The following EYA1 variants were observed in gnomAD, a reference collection of about 807,000 sequenced individuals.
EYA1 encodes the protein protein phosphatase EYA1.
Under a neutral mutation model 82.0 loss-of-function variants are expected in EYA1, and 16 were observed. That is an observed-to-expected ratio of 0.20 (90% CI 0.13 to 0.30). EYA1 has a LOEUF of 0.30. Ranked by LOEUF, EYA1 falls within the 10% of genes least tolerant of loss-of-function variation. The pLI is 1.00. For synonymous variants in EYA1, 261 were observed against 264.4 expected (o/e 0.99, Z 0.12); for missense variants, 633 against 730.7 (o/e 0.87, Z 1.54).
chr8:71,244,491 C>T (rs1209819399), intron 12 of EYA1, 112 bp downstream of exon 12: 1 of 666,358 alleles, frequency 1.5e-6, no homozygotes, highest in South Asian at 1.7e-5. Context: ...TACCAACAAA[C>T]CTCTGTCTCA....
At chr8:71,470,799 A>G in intron 2 of EYA1, 1 of 446,910 alleles carries the variant, frequency 2.2e-6, no homozygotes, top group East Asian at 7.0e-5. Flanking sequence ...AGATGTATGT[A>G]GCATTAAAAA....
intron 2 of EYA1, among the ~76,000 whole-genome samples, chr8:71,412,947 G>A (rs564456889): frequency 6.6e-6 from 1 of 152,276 alleles, no homozygotes; most frequent in African/African-American, 2.4e-5. Flanking sequence ...AGCTGTGCTA[G>A]GATAGGGAGT....
Position 71,493,539 on chromosome 8 carries a change from T to C in EYA1, c.33+42205A>G, listed in dbSNP as rs570816308. On this transcript the variant is annotated intron_variant, in intron 2 of 18. Coordinates refer to the EYA1 transcript ENST00000643681. ...AAGACCAGGGAGAATTAATTACTAA[T>C]AGAAAACTGTCATAGGAACTTTCTG... 4.6e-5 allele frequency among the ~76,000 whole-genome samples: 7 copies of C among 152,290 alleles called. No individual in the cohort carries two copies. In the East Asian group the frequency reaches 1.3e-3, roughly 29 times the overall value.
intron 2 of EYA1, among the ~76,000 whole-genome samples, chr8:71,434,977 C>G (rs1367723270): frequency 6.6e-6 from 1 of 152,122 alleles, no homozygotes; most frequent in East Asian, 1.9e-4. Flanking sequence ...TACACACACA[C>G]ACACATATTG....
At chr8:71,341,584 T>G (rs1232168674) in intron 3 of EYA1, among the ~76,000 whole-genome samples, 1 of 152,198 alleles carries the variant, frequency 6.6e-6, no homozygotes, top group African/African-American at 2.4e-5. Flanking sequence ...TATTTCTGCT[T>G]CACCTAAAAG....
Position 71,197,759 on chromosome 8 carries a change from C to T in EYA1, c.*1581G>A, listed in dbSNP as rs9298163. ...ACTTCGGGTCAAAGCTGGTGTTTTT[C>T]CCGCCCAATATATGATTGATTAAAG... On this transcript the variant is annotated 3_prime_UTR_variant, in exon 18 of 18. Coordinates refer to ENST00000340726, the MANE Select transcript of EYA1 (RefSeq NM_000503.6). 0.98 allele frequency: 149,075 copies of T among 152,730 alleles called. 72,769 individuals are homozygous for T. The highest frequency in any genetic ancestry group is 1 in the East Asian group (5,180 of 5,180). 9.5% of individuals were successfully genotyped at this position (152,730 alleles called of 1,614,324 possible). A position where few individuals can be genotyped will look rare whatever the true frequency, so the allele number is the denominator to read the frequency against.
At chr8:71,312,493 C>T (rs536123552) in intron 7 of EYA1, among the ~76,000 whole-genome samples, 5 of 152,316 alleles carry the variant, frequency 3.3e-5, no homozygotes, top group South Asian at 2.1e-4. Context: ...ATTGCCCAGG[C>T]GGGAGTGCAG....
intron 9 of EYA1, among the ~76,000 whole-genome samples, chr8:71,281,419 A>G (rs1317363395): frequency 6.6e-6 from 1 of 152,176 alleles, no homozygotes; most frequent in African/African-American, 2.4e-5. Context: ...TTTGCTCCTA[A>G]AAGTTTCTGA....
intron 11 of EYA1, among the ~76,000 whole-genome samples, chr8:71,262,333 A>G (rs1297517535): frequency 6.6e-6 from 1 of 152,096 alleles, no homozygotes; most frequent in Non-Finnish European, 1.5e-5. Flanking sequence ...CTTTTTGCTT[A>G]TGATTTCTGC....
At chr8:71,287,584 C>T (rs1423453729) in intron 9 of EYA1, among the ~76,000 whole-genome samples, 1 of 152,204 alleles carries the variant, frequency 6.6e-6, no homozygotes, top group Admixed American at 6.5e-5. Flanking sequence ...TCTTCTTACA[C>T]ATTTCAACCA....
chr8:71,346,460 A>ATATATG (rs1459028373), intron 3 of EYA1, among the ~76,000 whole-genome samples: 1 of 141,984 alleles, frequency 7.0e-6, no homozygotes, highest in Non-Finnish European at 1.5e-5. Context: ...ATATATCTAT[A>ATATATG]TATATCCTTC....
intron 11 of EYA1, among the ~76,000 whole-genome samples, chr8:71,253,401 T>C (rs190672358): frequency 1.3e-5 from 2 of 152,134 alleles, no homozygotes; most frequent in East Asian, 1.9e-4. Context: ...AAATAGAAAG[T>C]TTGGTTGAAT....
At chr8:71,200,012 A>G in intron 17 of EYA1, 1 of 158,846 alleles carries the variant, frequency 6.3e-6, no homozygotes, top group Non-Finnish European at 1.4e-5. Context: ...TTAAACCTCA[A>G]TCTAAAAATC....
At chr8:71,475,789 T>A (rs1038203425) in intron 2 of EYA1, among the ~76,000 whole-genome samples, 1 of 152,184 alleles carries the variant, frequency 6.6e-6, no homozygotes, top group African/African-American at 2.4e-5. Context: ...ATAATTTTCG[T>A]TTGTTTATTT....
chr8:71,273,305 AGT>A, intron 9 of EYA1, among the ~76,000 whole-genome samples: 1 of 152,254 alleles, frequency 6.6e-6, no homozygotes. Context: ...ACAATAAGAA[AGT>A]CCAAATCAAC....
At chr8:71,479,328 C>G (rs762063495) in intron 2 of EYA1, among the ~76,000 whole-genome samples, 11 of 152,118 alleles carry the variant, frequency 7.2e-5, no homozygotes, top group Non-Finnish European at 1.0e-4. Context: ...CGAGGCCTGC[C>G]TACCCTGAAC....
intron 7 of EYA1, among the ~76,000 whole-genome samples, chr8:71,305,409 G>A: frequency 7.0e-6 from 1 of 142,038 alleles, no homozygotes; most frequent in Admixed American, 7.0e-5. Flanking sequence ...TGGGGTGGGA[G>A]TGGGGATACC....
chr8:71,339,706 C>G (rs1412800410), intron 3 of EYA1, among the ~76,000 whole-genome samples: 1 of 152,154 alleles, frequency 6.6e-6, no homozygotes, highest in African/African-American at 2.4e-5. Context: ...CAGGGTTTAA[C>G]CTATTTTACC....
At chr8:71,299,300 T>C (rs1819938764) in intron 8 of EYA1, 67 bp from the exon 9 acceptor site, 15 of 1,498,342 alleles carry the variant, frequency 1.0e-5, no homozygotes, top group Middle Eastern at 3.5e-4. Context: ...CATATCAAAG[T>C]GTAACTGTAA....
Sources: allele counts gnomAD v4.1 joint callset (sites outside exome capture counted in the v4.1 genomes callset), GRCh38; gene constraint gnomAD v4.1.1; transcripts MANE v1.5; gene names NCBI Gene and HGNC (gene_info 2026-07-23, HGNC 2026-07-21).